ALK: variants seen among roughly 807,000 people sequenced by gnomAD.
The protein encoded by ALK is ALK receptor tyrosine kinase.
In ALK, 74 loss-of-function variants were observed where a neutral mutation model predicts 163.1. That is an observed-to-expected ratio of 0.45 (90% CI 0.38 to 0.55). The LOEUF (loss-of-function observed/expected upper bound fraction) is 0.55, where lower values mean the gene tolerates loss of function less well. Among genes scored for constraint, ALK ranks in the 20% least tolerant of loss-of-function variants. The pLI is 0.00. For synonymous variants in ALK, 960 were observed against 843.2 expected, an observed-to-expected ratio of 1.14 and a Z score of -2.40; for missense variants, 2,063 against 2,105.3, an observed-to-expected ratio of 0.98 and a Z score of 0.39.
intron 9 of ALK, among the ~76,000 whole-genome samples, chr2:29,279,115 C>T (rs1665641496): frequency 1.3e-5 from 2 of 152,140 alleles, no homozygotes; most frequent in South Asian, 4.1e-4. Flanking sequence ...AGCCACTGGG[C>T]CTCTTAGCAT....
chr2:29,901,660 G>A (rs1045428561), intron 1 of ALK, among the ~76,000 whole-genome samples: 3 of 152,140 alleles, frequency 2.0e-5, no homozygotes, highest in Non-Finnish European at 4.4e-5. Flanking sequence ...GGCTGTCCAG[G>A]GAACTGAGAA....
At chr2:29,374,579 A>G (rs1668710849) in intron 5 of ALK, among the ~76,000 whole-genome samples, 1 of 152,226 alleles carries the variant, frequency 6.6e-6, no homozygotes, top group Admixed American at 6.5e-5. Context: ...ATACATGGAA[A>G]CAATTCTGAG....
intron 3 of ALK, among the ~76,000 whole-genome samples, chr2:29,612,834 A>AG (rs1404365245): frequency 6.6e-6 from 1 of 152,216 alleles, no homozygotes; most frequent in Non-Finnish European, 1.5e-5. Context: ...GCAGGGAGTC[A>AG]GTGATGCTGT....
At chr2:29,911,523 T>C (rs950949879) in intron 1 of ALK, among the ~76,000 whole-genome samples, 3 of 152,094 alleles carry the variant, frequency 2.0e-5, no homozygotes, top group African/African-American at 7.3e-5. Flanking sequence ...GCAGCAATAA[T>C]ACAGGTAGGT....
At chr2:29,410,071 C>A (rs1669691375) in intron 4 of ALK, among the ~76,000 whole-genome samples, 1 of 152,160 alleles carries the variant, frequency 6.6e-6, no homozygotes, top group South Asian at 2.1e-4. Flanking sequence ...CATTGCTTAA[C>A]AACAAGGATA....
chr2:29,317,328 C>T (rs1210051835), intron 8 of ALK, among the ~76,000 whole-genome samples: 1 of 152,188 alleles, frequency 6.6e-6, no homozygotes, highest in Non-Finnish European at 1.5e-5. Flanking sequence ...ACCCAAACTA[C>T]GTGTAGGTTT....
At chr2:29,527,800 C>T (rs958813435) in intron 4 of ALK, among the ~76,000 whole-genome samples, 12 of 152,158 alleles carry the variant, frequency 7.9e-5, no homozygotes, top group African/African-American at 2.7e-4. Flanking sequence ...CAGGTGTGAG[C>T]CATTGTGCCG....
chr2:29,865,823 TA>T (rs1666421113), intron 1 of ALK, among the ~76,000 whole-genome samples: 1 of 152,184 alleles, frequency 6.6e-6, no homozygotes, highest in African/African-American at 2.4e-5. Context: ...AAGTACTTAT[TA>T]TTGTTATTGA....
chr2:29,879,343 A>G (rs1457838487), intron 1 of ALK, among the ~76,000 whole-genome samples: 1 of 152,270 alleles, frequency 6.6e-6, no homozygotes, highest in African/African-American at 2.4e-5. Context: ...GCAGTGTGCA[A>G]CTATGCATGC....
intron 3 of ALK, among the ~76,000 whole-genome samples, chr2:29,691,749 G>A (rs189816732): frequency 1.3e-5 from 2 of 152,174 alleles, no homozygotes; most frequent in East Asian, 1.9e-4. Context: ...GCATGTCAGC[G>A]ATCACAGGTG....
chr2:29,402,610 T>C (rs1338718355), intron 4 of ALK, among the ~76,000 whole-genome samples: 1 of 152,262 alleles, frequency 6.6e-6, no homozygotes, highest in Admixed American at 6.5e-5. Context: ...CCCATTTTGA[T>C]ATGGTCATTC....
intron 1 of ALK, among the ~76,000 whole-genome samples, chr2:29,827,740 C>T (rs915250923): frequency 2.6e-5 from 4 of 152,140 alleles, no homozygotes; most frequent in Admixed American, 6.5e-5. Flanking sequence ...GGCCATACTG[C>T]CCAAGGTAAT....
intron 1 of ALK, among the ~76,000 whole-genome samples, chr2:29,764,898 G>A (rs1343599583): frequency 1.3e-5 from 2 of 152,166 alleles, no homozygotes; most frequent in Non-Finnish European, 2.9e-5. Flanking sequence ...GTGGGACCTA[G>A]TTGGAGGTGA....
intron 4 of ALK, among the ~76,000 whole-genome samples, chr2:29,417,730 AAG>A (rs752142956): frequency 2.6e-5 from 4 of 152,228 alleles, no homozygotes; most frequent in Non-Finnish European, 5.9e-5. Flanking sequence ...TTACATCAGG[AAG>A]AGAGACTTCC....
At chr2:29,358,902 T>C (rs1462976682) in intron 5 of ALK, among the ~76,000 whole-genome samples, 1 of 152,138 alleles carries the variant, frequency 6.6e-6, no homozygotes, top group Non-Finnish European at 1.5e-5. Context: ...TATACGTTCG[T>C]AAATGATTAA....
At chr2:29,303,539 C>T (rs1315088669) in intron 8 of ALK, among the ~76,000 whole-genome samples, 1 of 152,176 alleles carries the variant, frequency 6.6e-6, no homozygotes, top group Non-Finnish European at 1.5e-5. Context: ...TGGGTGTCCA[C>T]CCAAAGGAAA....
chr2:29,454,119 T>C (rs1281695205), intron 4 of ALK, among the ~76,000 whole-genome samples: 3 of 152,152 alleles, frequency 2.0e-5, no homozygotes, highest in Non-Finnish European at 2.9e-5. Flanking sequence ...TACAGACTGC[T>C]AGAAATTGGA....
intron 3 of ALK, among the ~76,000 whole-genome samples, chr2:29,551,901 C>G (rs1388274939): frequency 1.3e-5 from 2 of 152,112 alleles, no homozygotes; most frequent in African/African-American, 4.8e-5. Flanking sequence ...TTTCAGTATA[C>G]CATTCAGTGG....
At chr2:29,301,569 C>T (rs1379931318) in intron 8 of ALK, among the ~76,000 whole-genome samples, 2 of 152,214 alleles carry the variant, frequency 1.3e-5, no homozygotes, top group African/African-American at 4.8e-5. Context: ...CACTTTCTTA[C>T]ATTCTATGGG....
Sources: gnomAD v4.1 joint callset for allele counts (sites outside exome capture counted in the v4.1 genomes callset) on GRCh38, gnomAD v4.1.1 for gene constraint, MANE v1.5 for transcripts, NCBI Gene and HGNC (gene_info 2026-07-23, HGNC 2026-07-21) for gene names.